Variants in CEP83 observed in about 807,000 individuals in gnomAD.
CEP83 encodes centrosomal protein 83, also known as centrosomal protein of 83 kDa.
In CEP83, 70 loss-of-function variants were observed where a neutral mutation model predicts 101.9. The ratio of observed to expected loss-of-function variants is 0.69; its 90% CI spans 0.57 to 0.84. The LOEUF (loss-of-function observed/expected upper bound fraction) is 0.84, where lower values mean the gene tolerates loss of function less well. Ranked by LOEUF, CEP83 falls within the 40% of genes least tolerant of loss-of-function variation. The pLI is 0.00. For missense variants in CEP83, 715 were observed against 787.2 expected, an observed-to-expected ratio of 0.91 and a Z score of 1.10; for synonymous variants, 264 against 267.9, an observed-to-expected ratio of 0.99 and a Z score of 0.14.
At chr12:94,444,622 A>G (rs2066663592) in intron 1 of CEP83, among the ~76,000 whole-genome samples, 1 of 152,192 alleles carries the variant, frequency 6.6e-6, no homozygotes, top group African/African-American at 2.4e-5. Flanking sequence ...AATTCCAGGT[A>G]GGAATGGAGG....
Position 94,365,181 on chromosome 12 carries a change from C to T in CEP83, c.1343+2613G>A, listed in dbSNP as rs1432608516. ...AGCAAGGGAAAAAAGGCCAAAAAAA[C>T]CAAGTATAATAGGGAAAGACAAGAA... is the stretch of plus-strand genomic sequence containing the variant. On this transcript the variant is annotated intron_variant, in intron 11 of 16. Coordinates refer to ENST00000397809, the MANE Select transcript of CEP83 (RefSeq NM_016122.3). Among the ~76,000 whole-genome samples, 4 of 151,758 alleles carry T rather than the reference C, an allele frequency of 2.6e-5. No individual in the cohort carries two copies. The East Asian group carries it at 7.7e-4, about 29-fold the overall frequency.
intron 6 of CEP83, among the ~76,000 whole-genome samples, chr12:94,394,234 T>C (rs1222365287): frequency 6.6e-6 from 1 of 152,180 alleles, no homozygotes; most frequent in Non-Finnish European, 1.5e-5. Flanking sequence ...ACTACAAGGC[T>C]ACAGCAACTA....
At chr12:94,268,588 C>CTTTTTTTTTTTTTTTTTTTTT in the CEP83 span, among the ~76,000 whole-genome samples, 9 of 90,884 alleles carry the variant, frequency 9.9e-5, no homozygotes, top group Admixed American at 2.8e-4. Context: ...AGAATAAGAC[C>CTTTTTTTTTTTTTTTTTTTTT]TTTTTTTTTT....
At chr12:94,321,593 GGGA>G (rs1339578764) in intron 14 of CEP83, among the ~76,000 whole-genome samples, 1 of 152,188 alleles carries the variant, frequency 6.6e-6, no homozygotes, top group Non-Finnish European at 1.5e-5. Context: ...ACCCTGCCCA[GGGA>G]GGAGAAGTGA....
chr12:94,279,341 A>G, the CEP83 span: 1 of 664,188 alleles, frequency 1.5e-6, no homozygotes, highest in South Asian at 2.0e-5. Context: ...AAAGTAGTCT[A>G]ATGCAATACA....
the CEP83 span, among the ~76,000 whole-genome samples, chr12:94,268,042 G>A: frequency 2.0e-5 from 3 of 152,128 alleles, no homozygotes; most frequent in South Asian, 2.1e-4. Context: ...AAGGAAAGTC[G>A]GAAATCAAGA....
At chr12:94,389,336 A>G (rs770491194) in intron 6 of CEP83, among the ~76,000 whole-genome samples, 3 of 152,226 alleles carry the variant, frequency 2.0e-5, no homozygotes, top group African/African-American at 4.8e-5. Flanking sequence ...TACCATGATA[A>G]TAACTGTGAG....
the CEP83 span, among the ~76,000 whole-genome samples, chr12:94,285,670 G>C: frequency 4.6e-5 from 7 of 152,190 alleles, no homozygotes; most frequent in African/African-American, 1.2e-4. Flanking sequence ...CCAGAGGGAA[G>C]GTAATGGCCA....
intron 11 of CEP83, among the ~76,000 whole-genome samples, chr12:94,354,004 T>G (rs1254525205): frequency 1.3e-5 from 2 of 152,102 alleles, no homozygotes; most frequent in African/African-American, 2.4e-5. Flanking sequence ...CAAATATAAT[T>G]ATTATCTAAG....
chr12:94,298,456 T>G, the CEP83 span, among the ~76,000 whole-genome samples: 1 of 152,242 alleles, frequency 6.6e-6, no homozygotes, highest in Non-Finnish European at 1.5e-5. Context: ...TTCAAGACTT[T>G]TGACCTATAC....
downstream of CEP83, chr12:94,303,635 G>C (rs553841626): frequency 1.3e-6 from 1 of 793,302 alleles, no homozygotes; most frequent in Non-Finnish European, 1.9e-6. Flanking sequence ...GTTAGCAAGA[G>C]GTAAAACTGG....
chr12:94,318,525 C>T (rs773430141), intron 14 of CEP83, among the ~76,000 whole-genome samples: 14 of 152,122 alleles, frequency 9.2e-5, no homozygotes, highest in Non-Finnish European at 1.9e-4. Flanking sequence ...ATATTTTGCC[C>T]ATTCAGTATG....
chr12:94,388,568 A>C (rs954238520), intron 6 of CEP83, among the ~76,000 whole-genome samples: 4 of 152,190 alleles, frequency 2.6e-5, no homozygotes, highest in African/African-American at 9.7e-5. Context: ...ACAAATCTAC[A>C]CATGTAACCC....
chr12:94,341,214 A>AC (rs556166943), intron 11 of CEP83, among the ~76,000 whole-genome samples: 24 of 152,008 alleles, frequency 1.6e-4, no homozygotes, highest in South Asian at 8.3e-4. Flanking sequence ...TAAAAAAAAA[A>AC]CACTTTCATC....
chr12:94,304,543 A>G (rs1968804908), downstream of CEP83, among the ~76,000 whole-genome samples: 1 of 152,162 alleles, frequency 6.6e-6, no homozygotes, highest in South Asian at 2.1e-4. Flanking sequence ...AAACAGACAC[A>G]TTCATCAGAT....
intron 11 of CEP83, among the ~76,000 whole-genome samples, chr12:94,345,068 C>T (rs986544303): frequency 5.3e-5 from 8 of 152,076 alleles, no homozygotes; most frequent in Admixed American, 2.6e-4. Flanking sequence ...AACTGGATAC[C>T]TACATGAAAA....
At chr12:94,437,031 T>C (rs370098955) in intron 1 of CEP83, among the ~76,000 whole-genome samples, 67 of 152,174 alleles carry the variant, frequency 4.4e-4, no homozygotes, top group South Asian at 8.3e-4. Flanking sequence ...CCGGTTTTGA[T>C]AGATATCTAG....
chr12:94,322,215 G>A (rs151228933), intron 14 of CEP83, among the ~76,000 whole-genome samples: 6 of 152,250 alleles, frequency 3.9e-5, no homozygotes, highest in South Asian at 4.1e-4. Flanking sequence ...CACTCCAGCC[G>A]CTAATCACCT....
intron 6 of CEP83, among the ~76,000 whole-genome samples, chr12:94,391,836 C>T (rs1593652604): frequency 6.6e-6 from 1 of 151,928 alleles, no homozygotes; most frequent in Non-Finnish European, 1.5e-5. Context: ...GGTTGAAATC[C>T]TAGTCTCTGA....
Sources: gnomAD v4.1 joint callset for allele counts (sites outside exome capture counted in the v4.1 genomes callset) on GRCh38, gnomAD v4.1.1 for gene constraint, MANE v1.5 for transcripts, NCBI Gene and HGNC (gene_info 2026-07-23, HGNC 2026-07-21) for gene names.